GALNT13: variants seen among roughly 807,000 people sequenced by gnomAD.
GALNT13 encodes polypeptide N-acetylgalactosaminyltransferase 13, also known as UDP-GalNAc:polypeptide N-acetylgalactosaminyltransferase 13.
Under a neutral mutation model 64.2 loss-of-function variants are expected in GALNT13, and 28 were observed. The observed-to-expected ratio is 0.44, with a 90% confidence interval of 0.32 to 0.60. GALNT13 has a LOEUF of 0.60. Ranked by LOEUF, GALNT13 falls within the 20% of genes least tolerant of loss-of-function variation. The pLI is 0.05. For synonymous variants in GALNT13, 214 were observed against 224.6 expected (o/e 0.95, Z 0.42); for missense variants, 577 against 669.8 (o/e 0.86, Z 1.53).
intron 3 of GALNT13, among the ~76,000 whole-genome samples, chr2:154,112,450 A>T (rs56116034): frequency 0.072 from 10,932 of 152,288 alleles, 471 homozygotes; most frequent in Middle Eastern, 0.14. Flanking sequence ...GTGAGCACTC[A>T]CATAGCATAC....
At chr2:153,282,120 A>AT in the GALNT13 span, among the ~76,000 whole-genome samples, 27 of 151,310 alleles carry the variant, frequency 1.8e-4, no homozygotes, top group Admixed American at 9.2e-4. Context: ...ATCTTAAAAA[A>AT]TTTTTTTTTC....
chr2:153,625,671 C>G, the GALNT13 span, among the ~76,000 whole-genome samples: 1 of 152,080 alleles, frequency 6.6e-6, no homozygotes, highest in African/African-American at 2.4e-5. Context: ...TCCTCCTTGA[C>G]TGTTGCTGAA....
At chr2:153,818,595 A>C in the GALNT13 span, among the ~76,000 whole-genome samples, 6 of 152,164 alleles carry the variant, frequency 3.9e-5, no homozygotes, top group Non-Finnish European at 8.8e-5. Context: ...CACTGTGGTC[A>C]GTCATGGCTC....
the GALNT13 span, among the ~76,000 whole-genome samples, chr2:153,460,270 T>C: frequency 6.6e-6 from 1 of 152,170 alleles, no homozygotes; most frequent in Non-Finnish European, 1.5e-5. Flanking sequence ...AACCATATAG[T>C]ATAATTTTAT....
chr2:153,255,596 G>A, the GALNT13 span, among the ~76,000 whole-genome samples: 11 of 152,000 alleles, frequency 7.2e-5, no homozygotes, highest in Admixed American at 1.3e-4. Flanking sequence ...ATTTTGCAGC[G>A]GCTGGTACCG....
chr2:153,414,698 A>G, the GALNT13 span, among the ~76,000 whole-genome samples: 1 of 152,194 alleles, frequency 6.6e-6, no homozygotes, highest in South Asian at 2.1e-4. Flanking sequence ...AAATCTTACA[A>G]TCTAATCACT....
chr2:154,364,749 G>A (rs1041106253), intron 9 of GALNT13, among the ~76,000 whole-genome samples: 9 of 152,048 alleles, frequency 5.9e-5, no homozygotes, highest in African/African-American at 1.9e-4. Context: ...TTGGCTCACC[G>A]CAACTCCACC....
At chr2:154,075,645 C>T (rs6752571) in intron 3 of GALNT13, among the ~76,000 whole-genome samples, 85,629 of 151,478 alleles carry the variant, frequency 0.57, 26,010 homozygotes, top group Middle Eastern at 0.71. Flanking sequence ...CTTCACAACA[C>T]GATTAAAACT....
intron 8 of GALNT13, among the ~76,000 whole-genome samples, chr2:154,298,542 A>T (rs1228772783): frequency 7.3e-5 from 8 of 109,868 alleles, no homozygotes; most frequent in African/African-American, 2.6e-4. Flanking sequence ...GTATATATTT[A>T]TATATAAATT....
At chr2:153,679,836 T>C in the GALNT13 span, among the ~76,000 whole-genome samples, 12 of 151,866 alleles carry the variant, frequency 7.9e-5, no homozygotes, top group Non-Finnish European at 1.6e-4. Context: ...CTCCATTTTC[T>C]CCTCTCTCCA....
At chr2:153,869,809 T>C (rs1685817998), upstream of GALNT13, among the ~76,000 whole-genome samples, 1 of 152,134 alleles carries the variant, frequency 6.6e-6, no homozygotes, top group South Asian at 2.1e-4. Flanking sequence ...CATCAAGACA[T>C]GGACTATATT....
At chr2:153,671,259 C>T in the GALNT13 span, among the ~76,000 whole-genome samples, 2 of 152,036 alleles carry the variant, frequency 1.3e-5, no homozygotes, top group East Asian at 1.9e-4. Context: ...TTAGCTTCAC[C>T]GAGGTTGAAA....
intron 4 of GALNT13, among the ~76,000 whole-genome samples, chr2:154,234,324 C>A (rs1287511166): frequency 6.6e-6 from 1 of 152,058 alleles, no homozygotes; most frequent in African/African-American, 2.4e-5. Context: ...ACATTCATAT[C>A]ATTCCATTAT....
intron 10 of GALNT13, among the ~76,000 whole-genome samples, chr2:154,400,372 G>A (rs1191520640): frequency 6.6e-6 from 1 of 152,066 alleles, no homozygotes; most frequent in African/African-American, 2.4e-5. Context: ...AAATTGGGTG[G>A]CTTTAACAAT....
At chr2:153,223,489 A>G in the GALNT13 span, among the ~76,000 whole-genome samples, 1 of 152,230 alleles carries the variant, frequency 6.6e-6, no homozygotes, top group Non-Finnish European at 1.5e-5. Context: ...ATGTTATGAT[A>G]CCACAATGCA....
chr2:154,245,833 C>CATTGATGT lies in GALNT13; in HGVS notation c.709_716dup (p.Ile240LeufsTer3). ...GCAGGAAAACGGTTGTCTGCCCTAT[C>CATTGATGT]ATTGATGTGATTAGTGATGATACTT... On this transcript the variant is annotated frameshift_variant, in exon 7 of 13. Transcript: ENST00000392825. LOFTEE classifies it high-confidence loss of function. 6.2e-7 allele frequency: 1 copy of CATTGATGT among 1,606,290 alleles called. No individual in the cohort carries two copies. The highest frequency in any genetic ancestry group is 8.5e-7 in the Non-Finnish European group (1 of 1,174,928).
chr2:154,105,302 A>G (rs905085171), intron 3 of GALNT13, among the ~76,000 whole-genome samples: 1 of 152,124 alleles, frequency 6.6e-6, no homozygotes, highest in African/African-American at 2.4e-5. Context: ...GAAAATAGTC[A>G]TGTACCACAT....
the GALNT13 span, among the ~76,000 whole-genome samples, chr2:153,768,527 C>T: frequency 6.6e-6 from 1 of 152,058 alleles, no homozygotes; most frequent in Non-Finnish European, 1.5e-5. Context: ...TCCATTGAAA[C>T]GTTTATCATT....
the GALNT13 span, among the ~76,000 whole-genome samples, chr2:153,577,006 T>C: frequency 6.6e-6 from 1 of 152,160 alleles, no homozygotes; most frequent in South Asian, 2.1e-4. Context: ...CATTTAAACC[T>C]GAAAACCATA....
Sources: gnomAD v4.1 joint callset for allele counts (sites outside exome capture counted in the v4.1 genomes callset) on GRCh38, gnomAD v4.1.1 for gene constraint, MANE v1.5 for transcripts, NCBI Gene and HGNC (gene_info 2026-07-23, HGNC 2026-07-21) for gene names.